SORBS2: variants seen among roughly 807,000 people sequenced by gnomAD.
SORBS2 encodes the protein sorbin and SH3 domain containing 2, also known as sorbin and SH3 domain-containing protein 2.
SORBS2 carries 46 observed loss-of-function variants against 97.7 expected under a neutral mutation model. The observed-to-expected ratio is 0.47, with a 90% CI of 0.37 to 0.60. The LOEUF is 0.60. Ranked by LOEUF, SORBS2 falls within the 20% of genes least tolerant of loss-of-function variation. SORBS2 has a pLI of 0.00. For synonymous variants in SORBS2, 476 were observed against 473.4 expected, an observed-to-expected ratio of 1.01 and a Z score of -0.07; for missense variants, 1,316 against 1,282.3, an observed-to-expected ratio of 1.03 and a Z score of -0.40.
At chr4:185,696,040 G>A (rs2098170566) in intron 2 of SORBS2, among the ~76,000 whole-genome samples, 1 of 152,048 alleles carries the variant, frequency 6.6e-6, no homozygotes, top group African/African-American at 2.4e-5. Flanking sequence ...AATTACCCGC[G>A]GCATCTATTT....
At chr4:185,660,997 G>T (rs928808463), upstream of SORBS2, among the ~76,000 whole-genome samples, 3 of 151,954 alleles carry the variant, frequency 2.0e-5, no homozygotes, top group African/African-American at 7.3e-5. Context: ...TTTATGGGCC[G>T]GGCACGGTGG....
At chr4:185,900,598 A>AG (rs1350571233) in intron 1 of SORBS2, among the ~76,000 whole-genome samples, 1 of 152,220 alleles carries the variant, frequency 6.6e-6, no homozygotes, top group Non-Finnish European at 1.5e-5. Flanking sequence ...ATATAGAGAG[A>AG]GAAAAAAAAT....
chr4:185,920,550 A>G (rs1006331364), intron 1 of SORBS2, among the ~76,000 whole-genome samples: 1 of 152,144 alleles, frequency 6.6e-6, no homozygotes, highest in African/African-American at 2.4e-5. Flanking sequence ...AAAGTGGAAA[A>G]AGTGGAGCAG....
intron 1 of SORBS2, among the ~76,000 whole-genome samples, chr4:185,933,952 G>A (rs1354962893): frequency 6.6e-6 from 1 of 152,142 alleles, no homozygotes; most frequent in Non-Finnish European, 1.5e-5. Context: ...TCTATAGATG[G>A]CCTGCTAAGC....
At chr4:185,748,425 C>T (rs1284595183) in intron 2 of SORBS2, among the ~76,000 whole-genome samples, 1 of 152,192 alleles carries the variant, frequency 6.6e-6, no homozygotes, top group Non-Finnish European at 1.5e-5. Flanking sequence ...TTCTTCCACA[C>T]TGACATCTGC....
At chr4:185,887,595 A>G (rs992625469) in intron 1 of SORBS2, among the ~76,000 whole-genome samples, 7 of 152,212 alleles carry the variant, frequency 4.6e-5, no homozygotes, top group Non-Finnish European at 1.0e-4. Flanking sequence ...GATTTGAAGT[A>G]TGCTATTTAT....
At chr4:185,954,593 G>T (rs755728623) in intron 1 of SORBS2, among the ~76,000 whole-genome samples, 3 of 152,174 alleles carry the variant, frequency 2.0e-5, no homozygotes, top group African/African-American at 7.2e-5. Flanking sequence ...GTAAATAAAT[G>T]AATACTGAAT....
intron 1 of SORBS2, among the ~76,000 whole-genome samples, chr4:185,874,986 G>T (rs1258385370): frequency 1.3e-5 from 2 of 151,826 alleles, no homozygotes; most frequent in African/African-American, 2.4e-5. Flanking sequence ...AATGGGATCA[G>T]ATTTCCTCAT....
In SORBS2 at chr4:185,589,698, A is replaced by T; in HGVS notation, c.2934T>A (p.Cys978Ter). 6.2e-7 allele frequency: 1 copy of T among 1,608,884 alleles called. No individual in the cohort carries two copies. The highest frequency in any genetic ancestry group is 1.1e-5 in the South Asian group (1 of 90,988). The change falls in exon 14 of 15, where the codon TGT becomes TGA. Residue 978 changes from cysteine to a stop codon, truncating the protein, a stop_gained. Coordinates refer to ENST00000418609, the Ensembl canonical transcript of SORBS2. LOFTEE classifies it high-confidence loss of function. ...ACATACCCACAAACCAGCCGTCATC[A>T]CACTTTTCCATGACATCAATGACAT... is the stretch of plus-strand genomic sequence containing the variant.
At chr4:185,869,138 T>C (rs1029507763) in intron 1 of SORBS2, among the ~76,000 whole-genome samples, 3 of 152,206 alleles carry the variant, frequency 2.0e-5, no homozygotes, top group Non-Finnish European at 4.4e-5. Flanking sequence ...GGTGGTTTTC[T>C]ATTCCAAACA....
At chr4:185,712,360 C>T (rs1331597520) in intron 2 of SORBS2, among the ~76,000 whole-genome samples, 1 of 152,196 alleles carries the variant, frequency 6.6e-6, no homozygotes, top group Admixed American at 6.5e-5. Flanking sequence ...TGCCCATCCC[C>T]TGTTCAGCTC....
chr4:185,854,499 G>A (rs746472376), intron 1 of SORBS2, among the ~76,000 whole-genome samples: 9 of 152,160 alleles, frequency 5.9e-5, no homozygotes, highest in Non-Finnish European at 1.0e-4. Flanking sequence ...TCACATATGG[G>A]ATATTCTTAG....
At chr4:185,680,757 A>G (rs4862560) in intron 2 of SORBS2, among the ~76,000 whole-genome samples, 151,391 of 152,204 alleles carry the variant, frequency 0.99, 75,292 homozygotes, top group East Asian at 1. Context: ...AGAAAGAAGA[A>G]GGTGTACTGG....
chr4:185,751,871 A>T (rs931043005), intron 2 of SORBS2, among the ~76,000 whole-genome samples: 4 of 152,280 alleles, frequency 2.6e-5, no homozygotes, highest in Admixed American at 6.6e-5. Context: ...GGTGCGATTT[A>T]AAAATATGTT....
At position 185,677,503 on chromosome 4, in the gene SORBS2, G is replaced by T. The variant is rs2153498873; in HGVS notation, c.-46+920C>A. 2.6e-6 allele frequency: 4 copies of T among 1,551,630 alleles called. No homozygotes were observed. In the East Asian group the frequency reaches 9.8e-5, roughly 38 times the overall value. On this transcript the variant is annotated intron_variant, in intron 4 of 20. Coordinates refer to the SORBS2 transcript ENST00000284776. Reference sequence around the variant, plus strand: ...TTGGAATACATAGTTCCCTGAAGAGGTTTTTTGTTAGCAAAGTACTCTGTA... The same window carrying T: ...TTGGAATACATAGTTCCCTGAAGAGTTTTTTTGTTAGCAAAGTACTCTGTA...
chr4:185,882,239 G>A (rs935480450), intron 1 of SORBS2, among the ~76,000 whole-genome samples: 3 of 152,096 alleles, frequency 2.0e-5, no homozygotes, highest in Non-Finnish European at 2.9e-5. Flanking sequence ...TAATGAGTGG[G>A]TCTAGAAGGT....
intron 1 of SORBS2, among the ~76,000 whole-genome samples, chr4:185,817,555 C>A (rs2099193990): frequency 6.6e-6 from 1 of 152,202 alleles, no homozygotes; most frequent in South Asian, 2.1e-4. Context: ...GCATTGTGTC[C>A]TGTGGCAGCA....
intron 1 of SORBS2, among the ~76,000 whole-genome samples, chr4:185,940,048 T>C (rs984387611): frequency 6.6e-6 from 1 of 152,234 alleles, no homozygotes; most frequent in Non-Finnish European, 1.5e-5. Context: ...ACACAGCCTC[T>C]GGGCTGACCT....
rs937022620 is a variant in SORBS2 at position 185,932,734 on chromosome 4, C to A, written c.-338+23462G>T. Among the ~76,000 whole-genome samples the A allele has an allele frequency of 6.0e-5, 8 of 134,038 alleles. No individual in the cohort carries two copies. In the South Asian group the frequency reaches 1.9e-3, roughly 31 times the overall value. The allele number at this position is 134,038 out of a possible 152,430, so 87.9% of individuals were successfully genotyped here. ...GCCTGGCCTAAAGCGGATGAGCCCC[C>A]CTGGGGCTCGGTTGCCCTGGCCACA... On this transcript the variant is annotated intron_variant, in intron 1 of 20. Coordinates refer to the SORBS2 transcript ENST00000284776.
Sources: gnomAD v4.1 joint callset for allele counts (sites outside exome capture counted in the v4.1 genomes callset) on GRCh38, gnomAD v4.1.1 for gene constraint, MANE v1.5 for transcripts, NCBI Gene and HGNC (gene_info 2026-07-23, HGNC 2026-07-21) for gene names.